NLGN4X: variants seen among roughly 807,000 people sequenced by gnomAD.
The protein encoded by NLGN4X is neuroligin 4 X-linked, also known as neuroligin-4, X-linked.
In NLGN4X, 3 loss-of-function variants were observed where a neutral mutation model predicts 40.3. The observed-to-expected ratio is 0.07, with a 90% CI of 0.03 to 0.19. The LOEUF is 0.19. Ranked by LOEUF, NLGN4X falls within the 10% of genes least tolerant of loss-of-function variation. NLGN4X has a pLI of 1.00. For synonymous variants in NLGN4X, 270 were observed against 306.8 expected (o/e 0.88, Z 1.25); for missense variants, 382 against 708.3 (o/e 0.54, Z 5.23).
chrX:5,985,840 T>C (rs1312435559), intron 3 of NLGN4X, among the ~76,000 whole-genome samples: 1 of 111,309 alleles, frequency 9.0e-6, no homozygotes, highest in East Asian at 2.8e-4. Context: ...AAAACAAAGG[T>C]AATGTTAACG....
chrX:6,103,219 G>A (rs1348449213), intron 2 of NLGN4X, among the ~76,000 whole-genome samples: 1 of 111,886 alleles, frequency 8.9e-6, no homozygotes, highest in East Asian at 2.8e-4. Context: ...AGTGGAAACA[G>A]AAGGAGAACA....
At chrX:6,147,721 G>A (rs2040079986) in intron 2 of NLGN4X, among the ~76,000 whole-genome samples, 2 of 109,892 alleles carry the variant, frequency 1.8e-5, no homozygotes, top group Non-Finnish European at 3.8e-5. Context: ...TCGGTCAATC[G>A]GTCTCCAACT....
Position 5,997,737 on chromosome X carries a change from CATTT to C in NLGN4X, c.625+31539_625+31542del, listed in dbSNP as rs2035871463. 2.8e-5 allele frequency among the ~76,000 whole-genome samples: 3 copies of C among 108,676 alleles called. No homozygotes were observed. The South Asian group carries it at 1.2e-3, about 45-fold the overall frequency. 94.4% of individuals were successfully genotyped at this position (108,676 alleles called of 115,157 possible). A position where few individuals can be genotyped will look rare whatever the true frequency, so the allele number is the denominator to read the frequency against. ...TTGATCCTCAAAACACCATAAGACT[CATTT>C]ATTTTAAAGGTGAGAAAAATGAGGC... On this transcript the variant is annotated intron_variant, in intron 3 of 5. Transcript: ENST00000381095.
rs941268566 is a variant in NLGN4X at position 6,105,166 on chromosome X, T to C, written c.472+45829A>G. Among the ~76,000 whole-genome samples the C allele has an allele frequency of 2.7e-5, 3 of 110,541 alleles. No individual in the cohort carries two copies. In the South Asian group the frequency reaches 1.2e-3, roughly 44 times the overall value. On this transcript the variant is annotated intron_variant, in intron 2 of 5. Transcript: ENST00000381095. ...ACTTCCACCTTTCAGGGTCAAGCCATTCTCCTGCCTCAGCCTCCTGAGTAG... is the reference window on the plus strand; with the variant it reads ...ACTTCCACCTTTCAGGGTCAAGCCACTCTCCTGCCTCAGCCTCCTGAGTAG...
intron 2 of NLGN4X, among the ~76,000 whole-genome samples, chrX:6,132,374 C>G (rs2039699198): frequency 1.8e-5 from 2 of 111,463 alleles, no homozygotes; most frequent in Non-Finnish European, 3.8e-5. Flanking sequence ...AACGATTACA[C>G]ATGCACAATA....
chrX:6,183,408 G>A (rs1201722276), intron 1 of NLGN4X, among the ~76,000 whole-genome samples: 1 of 111,123 alleles, frequency 9.0e-6, no homozygotes, highest in Non-Finnish European at 1.9e-5. Flanking sequence ...TTAGCCAGGA[G>A]TGGTGGTGGG....
intron 3 of NLGN4X, among the ~76,000 whole-genome samples, chrX:5,943,883 GAAAC>G (rs998996644): frequency 1.8e-5 from 2 of 112,266 alleles, no homozygotes; most frequent in Non-Finnish European, 3.8e-5. Flanking sequence ...GGTTTGGGAG[GAAAC>G]TGTAACTGTG....
chrX:5,937,929 G>A (rs73182596), intron 3 of NLGN4X, among the ~76,000 whole-genome samples: 12,905 of 111,528 alleles, frequency 0.12, 607 homozygotes, highest in African/African-American at 0.13. Context: ...GTCCAAGTCT[G>A]TGGTGTCCAT....
chrX:6,072,577 T>C, intron 2 of NLGN4X, among the ~76,000 whole-genome samples: 1 of 111,667 alleles, frequency 9.0e-6, no homozygotes, highest in Non-Finnish European at 1.9e-5. Context: ...TTATAGATCT[T>C]ACATACATTT....
chrX:6,163,326 G>A (rs1384321244), intron 1 of NLGN4X, among the ~76,000 whole-genome samples: 1 of 111,946 alleles, frequency 8.9e-6, no homozygotes, highest in Non-Finnish European at 1.9e-5. Flanking sequence ...TATTCACTGA[G>A]GTACCACTGA....
intron 1 of NLGN4X, among the ~76,000 whole-genome samples, chrX:6,204,725 G>A (rs6638600): frequency 7.2e-5 from 8 of 111,283 alleles, no homozygotes; most frequent in African/African-American, 2.6e-4. Context: ...GAAACTCCTG[G>A]GATGGATCCC....
chrX:6,065,749 AC>A (rs2037897214), intron 2 of NLGN4X, among the ~76,000 whole-genome samples: 1 of 111,423 alleles, frequency 9.0e-6, no homozygotes, highest in African/African-American at 3.3e-5. Context: ...TCATCTCCCA[AC>A]CAAAACACAT....
At chrX:5,916,263 C>T (rs1047696036) in intron 3 of NLGN4X, among the ~76,000 whole-genome samples, 32 of 111,814 alleles carry the variant, frequency 2.9e-4, no homozygotes, top group African/African-American at 1.0e-3. Flanking sequence ...ACAATAGCAG[C>T]AAGCTGAATG....
chrX:6,071,740 C>T (rs1026262566), intron 2 of NLGN4X, among the ~76,000 whole-genome samples: 3 of 112,099 alleles, frequency 2.7e-5, no homozygotes, highest in Non-Finnish European at 5.6e-5. Flanking sequence ...TAAATTTTAA[C>T]GGGGTCACCA....
chrX:5,926,573 G>A (rs756317373), intron 3 of NLGN4X, among the ~76,000 whole-genome samples: 85 of 110,220 alleles, frequency 7.7e-4, no homozygotes, highest in African/African-American at 2.6e-3. Context: ...GTTTTATTCT[G>A]GGTGTCATGA....
intron 3 of NLGN4X, among the ~76,000 whole-genome samples, chrX:5,959,929 GA>G (rs770034227): frequency 1.8e-5 from 2 of 110,936 alleles, no homozygotes; most frequent in East Asian, 5.7e-4. Flanking sequence ...ATTACCCCTG[GA>G]ACCCTGAGTT....
chrX:5,934,029 C>T lies in NLGN4X; in HGVS notation c.626-24790G>A, dbSNP rs534968285. Among the ~76,000 whole-genome samples the T allele has an allele frequency of 3.6e-5, 4 of 111,617 alleles. No homozygotes were observed. In the South Asian group the frequency reaches 1.1e-3, roughly 31 times the overall value. The stretch of plus-strand genomic sequence containing the variant: ...TATAAGAAGAAGAAAGATGTCTATG[C>T]CTCTTGACCAAAATTCCCCCATGAA... On this transcript the variant is annotated intron_variant, in intron 3 of 5. Coordinates refer to ENST00000381095, the MANE Select transcript of NLGN4X (RefSeq NM_181332.3).
At chrX:5,922,907 A>AAG (rs1200290254) in intron 3 of NLGN4X, among the ~76,000 whole-genome samples, 5 of 111,644 alleles carry the variant, frequency 4.5e-5, no homozygotes, top group Non-Finnish European at 9.4e-5. Context: ...ATTAAAAAAC[A>AAG]AGAAAAACCA....
chrX:6,199,130 T>C (rs1426481471), intron 1 of NLGN4X, among the ~76,000 whole-genome samples: 3 of 111,970 alleles, frequency 2.7e-5, no homozygotes, highest in African/African-American at 9.7e-5. Flanking sequence ...GTAGTCATTC[T>C]GGATATTTCC....
Sources: gnomAD v4.1 joint callset for allele counts (sites outside exome capture counted in the v4.1 genomes callset) on GRCh38, gnomAD v4.1.1 for gene constraint, MANE v1.5 for transcripts, NCBI Gene and HGNC (gene_info 2026-07-23, HGNC 2026-07-21) for gene names.